MYO1D: variants seen among roughly 807,000 people sequenced by gnomAD.
The protein encoded by MYO1D is myosin ID, also known as unconventional myosin-Id.
MYO1D carries 83 observed loss-of-function variants against 122.0 expected under a neutral mutation model. The ratio of observed to expected loss-of-function variants is 0.68; its 90% CI spans 0.57 to 0.82. MYO1D has a LOEUF of 0.82. Ranked by LOEUF, MYO1D falls within the 40% of genes least tolerant of loss-of-function variation. The pLI, the probability that MYO1D is intolerant of heterozygous loss-of-function variation, is 0.00. For synonymous variants in MYO1D, 464 were observed against 446.9 expected (o/e 1.04, Z -0.48); for missense variants, 1,157 against 1,269.5 (o/e 0.91, Z 1.35).
chr17:32,759,895 C>A, intron 10 of MYO1D: 1 of 505,526 alleles, frequency 2.0e-6, no homozygotes, highest in Admixed American at 3.6e-5. Context: ...ACCATATAGT[C>A]TACAAAGTAG....
At chr17:32,752,152 A>G (rs2089905029) in intron 11 of MYO1D, among the ~76,000 whole-genome samples, 1 of 152,210 alleles carries the variant, frequency 6.6e-6, no homozygotes, top group Admixed American at 6.5e-5. Flanking sequence ...ATCTTTGACA[A>G]AGTTGACAAA....
chr17:32,503,949 C>T (rs1424141169), intron 21 of MYO1D, among the ~76,000 whole-genome samples: 1 of 152,196 alleles, frequency 6.6e-6, no homozygotes, highest in African/African-American at 2.4e-5. Flanking sequence ...ACACTTTTAC[C>T]ACAGTCACCT....
chr17:32,642,270 G>A (rs2088212886), intron 19 of MYO1D, among the ~76,000 whole-genome samples: 1 of 152,172 alleles, frequency 6.6e-6, no homozygotes. Flanking sequence ...TGAGGGCTCT[G>A]TTCTGTTCCA....
At chr17:32,843,680 C>A (rs2090906596) in intron 1 of MYO1D, among the ~76,000 whole-genome samples, 1 of 152,318 alleles carries the variant, frequency 6.6e-6, no homozygotes, top group East Asian at 1.9e-4. Context: ...CAGTGGATTT[C>A]ATCAAGATCC....
chr17:32,833,217 AG>A (rs1427767634), intron 1 of MYO1D, among the ~76,000 whole-genome samples: 1 of 152,220 alleles, frequency 6.6e-6, no homozygotes, highest in Non-Finnish European at 1.5e-5. Flanking sequence ...CTCATCTGTC[AG>A]TAAAGTATGT....
intron 21 of MYO1D, 110 bp downstream of exon 21, chr17:32,604,977 A>G: frequency 9.5e-7 from 1 of 1,052,286 alleles, no homozygotes; most frequent in Non-Finnish European, 1.3e-6. Flanking sequence ...GTCCTTATGG[A>G]GAAAAATAGC....
chr17:32,595,177 C>T (rs975085782), intron 21 of MYO1D, among the ~76,000 whole-genome samples: 7 of 152,058 alleles, frequency 4.6e-5, no homozygotes, highest in South Asian at 2.1e-4. Flanking sequence ...AGTTGGTTAA[C>T]GGATATAAAA....
chr17:32,659,510 T>G (rs1377074241), intron 16 of MYO1D, 172 bp from the exon 17 acceptor site: 24 of 624,516 alleles, frequency 3.8e-5, no homozygotes, highest in Non-Finnish European at 3.4e-5. Flanking sequence ...ACAGATGGCG[T>G]GGGGAGTCAC....
At chr17:32,546,727 G>T (rs2086967990) in intron 21 of MYO1D, among the ~76,000 whole-genome samples, 1 of 152,112 alleles carries the variant, frequency 6.6e-6, no homozygotes, top group Non-Finnish European at 1.5e-5. Flanking sequence ...CTCCAAGAAA[G>T]GAATCTCAAA....
At chr17:32,676,371 A>G (rs1476403265) in intron 16 of MYO1D, among the ~76,000 whole-genome samples, 1 of 140,288 alleles carries the variant, frequency 7.1e-6, no homozygotes, top group South Asian at 2.2e-4. Context: ...TTTTTTGTCC[A>G]TAACATGTTC....
chr17:32,624,702 G>A (rs1024850194), intron 20 of MYO1D, among the ~76,000 whole-genome samples: 1 of 151,822 alleles, frequency 6.6e-6, no homozygotes, highest in Non-Finnish European at 1.5e-5. Context: ...AAAGTATAAC[G>A]TGGCAGCTCT....
chr17:32,755,864 A>C, intron 10 of MYO1D: 1 of 487,372 alleles, frequency 2.1e-6, no homozygotes, highest in Non-Finnish European at 3.6e-6. Context: ...ACTTTCTATC[A>C]TGAAATACAC....
chr17:32,766,797 G>C (rs201843460), intron 7 of MYO1D, among the ~76,000 whole-genome samples: 1 of 17,318 alleles, frequency 5.8e-5, no homozygotes, highest in African/African-American at 3.1e-4. Context: ...ATCTCAAAAA[G>C]AAAACAAAAC....
intron 7 of MYO1D, among the ~76,000 whole-genome samples, chr17:32,765,487 T>TCG (rs1316181788): frequency 1.3e-5 from 2 of 152,182 alleles, no homozygotes; most frequent in Non-Finnish European, 2.9e-5. Flanking sequence ...AGACAGAGTC[T>TCG]CGCTCTGTCG....
At chr17:32,560,556 T>TATATATATATATATATATAC (rs2087113233) in intron 21 of MYO1D, among the ~76,000 whole-genome samples, 42 of 114,104 alleles carry the variant, frequency 3.7e-4, no homozygotes, top group Non-Finnish European at 7.0e-4. Context: ...TATATATATA[T>TATATATATATATATATATAC]ATATATATAT....
chr17:32,630,478 T>A (rs2087989017), intron 20 of MYO1D, among the ~76,000 whole-genome samples: 2 of 152,248 alleles, frequency 1.3e-5, no homozygotes, highest in Non-Finnish European at 2.9e-5. Flanking sequence ...GCTGCCATGA[T>A]AAAGTATCAC....
chr17:32,809,340 G>A (rs2090549052), intron 1 of MYO1D, among the ~76,000 whole-genome samples: 1 of 151,818 alleles, frequency 6.6e-6, no homozygotes, highest in African/African-American at 2.4e-5. Flanking sequence ...TGCCCAGGCT[G>A]GTCTTGCACT....
intron 15 of MYO1D, among the ~76,000 whole-genome samples, chr17:32,713,547 G>A (rs1222433282): frequency 6.6e-6 from 1 of 151,924 alleles, no homozygotes; most frequent in Admixed American, 6.6e-5. Flanking sequence ...ACAGTTCCAG[G>A]CAAAAAAACC....
chr17:32,698,404 G>C (rs912917839), intron 16 of MYO1D, among the ~76,000 whole-genome samples: 1 of 135,364 alleles, frequency 7.4e-6, no homozygotes, highest in African/African-American at 2.8e-5. Flanking sequence ...CTTTTTTAAG[G>C]ACAAAAGTAA....
Sources: gnomAD v4.1 joint callset for allele counts (sites outside exome capture counted in the v4.1 genomes callset) on GRCh38, gnomAD v4.1.1 for gene constraint, MANE v1.5 for transcripts, NCBI Gene and HGNC (gene_info 2026-07-23, HGNC 2026-07-21) for gene names.